The following SLC25A28 variants were observed in gnomAD, a reference collection of about 807,000 sequenced individuals.
SLC25A28 encodes solute carrier family 25 member 28.
A neutral mutation model predicts 31.9 loss-of-function variants in SLC25A28; 10 were observed. The ratio of observed to expected loss-of-function variants is 0.31; its 90% CI spans 0.19 to 0.53. SLC25A28 has a LOEUF of 0.53. SLC25A28 is among the 20% of genes least tolerant of loss of function. The pLI is 0.95. For missense variants in SLC25A28, 256 were observed against 490.3 expected, an observed-to-expected ratio of 0.52 and a Z score of 4.51; for synonymous variants, 208 against 203.6, an observed-to-expected ratio of 1.02 and a Z score of -0.19.
rs1351737647 is a variant in SLC25A28 at position 99,613,319 on chromosome 10, TG to T, written c.520+376del. 9.6e-7 allele frequency: 1 copy of T among 1,045,508 alleles called. No individual in the cohort carries two copies. Among genetic ancestry groups the T allele is most frequent in the Non-Finnish European group, 1.2e-6 (1 of 845,896 alleles). 64.8% of individuals were successfully genotyped at this position (1,045,508 alleles called of 1,614,324 possible). A position where few individuals can be genotyped will look rare whatever the true frequency, so the allele number is the denominator to read the frequency against. On this transcript the variant is annotated intron_variant, in intron 2 of 3. Coordinates refer to ENST00000370495, the MANE Select transcript of SLC25A28 (RefSeq NM_031212.4). This position sits in a 1 kb window ranked among gnomAD's most constrained non-coding sequence, Gnocchi z 4.9. ...GGGCTTCATTAGTATCTTCCTTGGGTGGCTGGCTGGGTCGCCTCCAATCCTG... is the reference window on the plus strand; with the variant it reads ...GGGCTTCATTAGTATCTTCCTTGGGTGCTGGCTGGGTCGCCTCCAATCCTG...
chr10:99,643,544 GT>G, the SLC25A28 span, among the ~76,000 whole-genome samples: 1 of 152,116 alleles, frequency 6.6e-6, no homozygotes, highest in Non-Finnish European at 1.5e-5. Context: ...TTTTTGAAGG[GT>G]TTTTTGTGTC....
chr10:99,643,674 A>G, the SLC25A28 span, among the ~76,000 whole-genome samples: 11 of 152,126 alleles, frequency 7.2e-5, no homozygotes, highest in East Asian at 7.7e-4. Flanking sequence ...TGAATTTTAG[A>G]TCTTTCCTGC....
chr10:99,633,644 G>A, the SLC25A28 span, among the ~76,000 whole-genome samples: 1 of 147,460 alleles, frequency 6.8e-6, no homozygotes, highest in African/African-American at 2.5e-5. Context: ...ACTCCAGCCT[G>A]GGCGACAGAG....
chr10:99,647,395 C>A, the SLC25A28 span, among the ~76,000 whole-genome samples: 2 of 152,152 alleles, frequency 1.3e-5, no homozygotes, highest in Non-Finnish European at 2.9e-5. Flanking sequence ...TTTTCAGTTG[C>A]ATTTCTCTGA....
chr10:99,615,499 G>A, intron 1 of SLC25A28: 1 of 985,294 alleles, frequency 1.0e-6, no homozygotes, highest in South Asian at 4.7e-5. Context: ...CATTCCTCTG[G>A]TTATTTTCTC....
At chr10:99,612,395 G>A (rs943329796) in intron 3 of SLC25A28, 148 bp downstream of exon 3, 7 of 818,318 alleles carry the variant, frequency 8.6e-6, no homozygotes, top group East Asian at 7.4e-5. Flanking sequence ...AGGGTGCCTC[G>A]TTAGGTACCA....
the SLC25A28 span, among the ~76,000 whole-genome samples, chr10:99,642,454 A>C: frequency 6.6e-6 from 1 of 152,150 alleles, no homozygotes; most frequent in Non-Finnish European, 1.5e-5. Flanking sequence ...TTATCAGCTT[A>C]AGGAGGTTTT....
chr10:99,635,768 G>A, the SLC25A28 span, among the ~76,000 whole-genome samples: 3 of 152,056 alleles, frequency 2.0e-5, no homozygotes, highest in African/African-American at 7.2e-5. Context: ...AAGTAAAGGG[G>A]TGGAAAAAGG....
chr10:99,612,761 TAAG>T (rs2034560200), intron 2 of SLC25A28, 162 bp from the exon 3 acceptor site: 1 of 738,260 alleles, frequency 1.4e-6, no homozygotes, highest in Non-Finnish European at 2.3e-6. Context: ...AACTCCTGTT[TAAG>T]AAGGTAAAGT....
In SLC25A28 at chr10:99,613,381, T is replaced by C. The variant is rs923223456; in HGVS notation, c.520+315A>G. 3.2e-6 allele frequency: 4 copies of C among 1,236,970 alleles called. No homozygotes were observed. The highest frequency in any genetic ancestry group is 1.5e-5 in the African/African-American group (1 of 64,832). The allele number at this position is 1,236,970 out of a possible 1,614,324, so 76.6% of individuals were successfully genotyped here. A position where few individuals can be genotyped will look rare whatever the true frequency, so the allele number is the denominator to read the frequency against. The stretch of plus-strand genomic sequence containing the variant: ...CAGGACACCACCCAACTGTCAAACA[T>C]AGACTGGGGGTAGTTCAGTGTGTCT... On this transcript the variant is annotated intron_variant, in intron 2 of 3. Coordinates refer to ENST00000370495, the MANE Select transcript of SLC25A28 (RefSeq NM_031212.4). The surrounding 1 kb of genome is among the most constrained non-coding windows in gnomAD (Gnocchi z 4.9).
upstream of SLC25A28, among the ~76,000 whole-genome samples, chr10:99,624,602 AGGC>A (rs2034850909): frequency 6.6e-6 from 1 of 152,210 alleles, no homozygotes; most frequent in Non-Finnish European, 1.5e-5. Flanking sequence ...TGGGAGACCG[AGGC>A]AGGTAGATCA....
At chr10:99,624,661 C>G (rs1404271109), upstream of SLC25A28, among the ~76,000 whole-genome samples, 1 of 152,102 alleles carries the variant, frequency 6.6e-6, no homozygotes, top group Non-Finnish European at 1.5e-5. Context: ...ATGGTGAAAC[C>G]CTGTCTCTAC....
At chr10:99,619,503 T>C (rs770687243) in intron 1 of SLC25A28, 3 of 762,238 alleles carry the variant, frequency 3.9e-6, no homozygotes, top group Non-Finnish European at 4.8e-6. Flanking sequence ...TTCTGCATTC[T>C]CACTGCACAA....
chr10:99,615,585 T>C (rs1053182105), intron 1 of SLC25A28: 2 of 985,290 alleles, frequency 2.0e-6, no homozygotes, highest in African/African-American at 3.5e-5. Flanking sequence ...CTCTACACAG[T>C]ATCACTTATC....
chr10:99,622,502 G>A (rs1202097436), upstream of SLC25A28, among the ~76,000 whole-genome samples: 4 of 152,100 alleles, frequency 2.6e-5, no homozygotes, highest in Non-Finnish European at 5.9e-5. Flanking sequence ...CCACCTCTAT[G>A]TCCTTTCTCT....
At chr10:99,630,325 G>T in the SLC25A28 span, among the ~76,000 whole-genome samples, 1,293 of 152,040 alleles carry the variant, frequency 8.5e-3, 19 homozygotes, top group African/African-American at 0.03. Context: ...GTAGACGCGG[G>T]GTTTCACCAC....
chr10:99,636,797 A>T, the SLC25A28 span, among the ~76,000 whole-genome samples: 711 of 152,344 alleles, frequency 4.7e-3, 5 homozygotes, highest in African/African-American at 0.016. Context: ...ACGGTAATTT[A>T]AAAATTACCG....
upstream of SLC25A28, chr10:99,620,804 C>T: frequency 1.0e-6 from 1 of 985,490 alleles, no homozygotes; most frequent in Non-Finnish European, 1.2e-6. Flanking sequence ...ACAGAAAGAG[C>T]GACGCGCCCA....
At chr10:99,631,782 C>T in the SLC25A28 span, among the ~76,000 whole-genome samples, 3 of 151,948 alleles carry the variant, frequency 2.0e-5, no homozygotes, top group Admixed American at 2.0e-4. Flanking sequence ...CATAGAATGC[C>T]CTCTGTATCC....
Sources: gnomAD v4.1 joint callset for allele counts (sites outside exome capture counted in the v4.1 genomes callset) on GRCh38, gnomAD v4.1.1 for gene constraint, Gnocchi (gnomAD v3.1) non-coding constraint, MANE v1.5 for transcripts, NCBI Gene and HGNC (gene_info 2026-07-23, HGNC 2026-07-21) for gene names.